CEACAM7: variants seen among roughly 807,000 people sequenced by gnomAD.
CEACAM7 encodes cell adhesion molecule CEACAM7.
A neutral mutation model predicts 25.7 loss-of-function variants in CEACAM7; 24 were observed. The ratio of observed to expected loss-of-function variants is 0.93; its 90% CI spans 0.68 to 1.31. The LOEUF (loss-of-function observed/expected upper bound fraction) is 1.31. Ranked by LOEUF, CEACAM7 falls within the 40% of genes most tolerant of loss-of-function variation. CEACAM7 has a pLI of 0.00. For missense variants in CEACAM7, 324 were observed against 330.1 expected, an observed-to-expected ratio of 0.98 and a Z score of 0.14; for synonymous variants, 144 against 129.4, an observed-to-expected ratio of 1.11 and a Z score of -0.77.
chr19:41,678,737 C>T (rs2072142305), intron 3 of CEACAM7, among the ~76,000 whole-genome samples: 1 of 152,130 alleles, frequency 6.6e-6, no homozygotes, highest in South Asian at 2.1e-4. Flanking sequence ...TTAACAGCAG[C>T]TAACATTTAT....
chr19:41,676,898 A>G (rs190030090), intron 4 of CEACAM7, among the ~76,000 whole-genome samples: 66 of 152,320 alleles, frequency 4.3e-4, no homozygotes, highest in African/African-American at 1.5e-3. Context: ...TAAAGGAAGT[A>G]AAAAGGATTC....
intron 3 of CEACAM7, among the ~76,000 whole-genome samples, chr19:41,682,845 C>G (rs143742907): frequency 0.02 from 2,977 of 152,286 alleles, 42 homozygotes; most frequent in Admixed American, 0.059. Context: ...CCGAGAGAAC[C>G]CTTAAGGACC....
At chr19:41,679,228 A>G (rs574265464) in intron 3 of CEACAM7, among the ~76,000 whole-genome samples, 36 of 152,206 alleles carry the variant, frequency 2.4e-4, no homozygotes, top group Non-Finnish European at 4.3e-4. Context: ...ATGAATAATT[A>G]TATGCCAACA....
intron 3 of CEACAM7, among the ~76,000 whole-genome samples, chr19:41,679,482 A>G (rs2072150052): frequency 6.6e-6 from 1 of 152,238 alleles, no homozygotes; most frequent in Non-Finnish European, 1.5e-5. Flanking sequence ...CCAGGGAGAA[A>G]GACTGAAAGC....
intron 4 of CEACAM7, among the ~76,000 whole-genome samples, chr19:41,676,030 A>T (rs1228933112): frequency 6.6e-6 from 1 of 152,206 alleles, no homozygotes; most frequent in Admixed American, 6.5e-5. Flanking sequence ...AAATATGGCC[A>T]ACAATGTATA....
chr19:41,686,290 G>A (rs2072224602), intron 2 of CEACAM7, among the ~76,000 whole-genome samples: 1 of 152,186 alleles, frequency 6.6e-6, no homozygotes, highest in Admixed American at 6.5e-5. Context: ...CTGAGTCTCA[G>A]GTGAAGGATG....
intron 4 of CEACAM7, among the ~76,000 whole-genome samples, 178 bp from the exon 5 acceptor site, chr19:41,674,917 G>A (rs908549440): frequency 1.3e-5 from 2 of 152,144 alleles, no homozygotes; most frequent in Non-Finnish European, 2.9e-5. Context: ...AACTTGGTCT[G>A]ATTCTTTATA....
Position 41,677,413 on chromosome 19 carries a change from T to C in CEACAM7, c.797A>G (p.Ter266TrpextTer42), listed in dbSNP as rs1206321797. ...AATGCAGAAACTACACCAAGGCTGC[T>C]ATATCAGAGCCATCCCAGCCAGTAC... ...IGVLAGMALI[*>W] The change falls in exon 4 of 5, where the codon TAG becomes TGG. Residue 266 changes from the stop codon to tryptophan (W), a stop_lost. Coordinates refer to ENST00000401731, the MANE Select transcript of CEACAM7 (RefSeq NM_001291485.2). 6.2e-7 allele frequency: 1 copy of C among 1,607,774 alleles called. No individual in the cohort carries two copies. Among genetic ancestry groups the C allele is most frequent in the Non-Finnish European group, 8.5e-7 (1 of 1,174,342 alleles).
At chr19:41,685,518 G>A (rs1025247388) in intron 2 of CEACAM7, among the ~76,000 whole-genome samples, 5 of 152,160 alleles carry the variant, frequency 3.3e-5, no homozygotes, top group African/African-American at 1.2e-4. Flanking sequence ...TCCAGTCTCT[G>A]AAGAGATTAT....
chr19:41,681,907 G>A (rs1555810730), intron 3 of CEACAM7, among the ~76,000 whole-genome samples: 1 of 152,136 alleles, frequency 6.6e-6, no homozygotes, highest in Non-Finnish European at 1.5e-5. Context: ...ATGGATAGCG[G>A]TGATGGTTGC....
chr19:41,685,996 G>A (rs1249570243), intron 2 of CEACAM7, among the ~76,000 whole-genome samples: 8 of 152,076 alleles, frequency 5.3e-5, no homozygotes, highest in African/African-American at 1.9e-4. Context: ...AAGCGTAAAT[G>A]GTCTCTGGCT....
At chr19:41,686,624 G>A (rs1255769256) in intron 2 of CEACAM7, among the ~76,000 whole-genome samples, 11 of 152,152 alleles carry the variant, frequency 7.2e-5, no homozygotes, top group African/African-American at 2.4e-4. Flanking sequence ...CCTGCTGAGT[G>A]CCCCCCATCA....
chr19:41,686,752 T>C, intron 2 of CEACAM7, 107 bp downstream of exon 2: 1 of 1,274,430 alleles, frequency 7.8e-7, no homozygotes, highest in South Asian at 1.8e-5. Context: ...ACTCCAACAC[T>C]GGATAAAATG....
chr19:41,682,355 C>T (rs1446487217), intron 3 of CEACAM7, among the ~76,000 whole-genome samples: 2 of 152,132 alleles, frequency 1.3e-5, no homozygotes, highest in African/African-American at 2.4e-5. Context: ...ACTTTGTGGC[C>T]CTGCCCCTTC....
intron 4 of CEACAM7, among the ~76,000 whole-genome samples, chr19:41,675,215 A>G (rs540972582): frequency 2.0e-5 from 3 of 152,330 alleles, no homozygotes; most frequent in African/African-American, 7.2e-5. Flanking sequence ...TATGCAAATA[A>G]CTATTTTCAT....
chr19:41,677,995 G>A (rs140969441), intron 3 of CEACAM7, among the ~76,000 whole-genome samples: 1 of 152,238 alleles, frequency 6.6e-6, no homozygotes, highest in Non-Finnish European at 1.5e-5. Flanking sequence ...ATTCCCAACA[G>A]TCTTGCAGAA....
intron 1 of CEACAM7, 36 bp downstream of exon 1, chr19:41,688,066 C>G (rs1211117809): frequency 6.3e-7 from 1 of 1,590,896 alleles, no homozygotes; most frequent in Non-Finnish European, 8.6e-7. Context: ...CTCTCTGGCC[C>G]TCCTCCCACC....
In CEACAM7 at chr19:41,687,098, T is replaced by C. The variant is rs1555811289; in HGVS notation, c.188A>G (p.Tyr63Cys). 2 of 1,614,152 alleles carry C rather than the reference T, an allele frequency of 1.2e-6. No individual in the cohort carries two copies. Among genetic ancestry groups the C allele is most frequent in the Non-Finnish European group, 1.7e-6 (2 of 1,180,012 alleles). The change falls in exon 2 of 5, where the codon TAT (tyrosine) becomes TGT (cysteine). Residue 63 changes from tyrosine (Y) to cysteine (C), a missense_variant. Physicochemically the swap from Tyr to Cys is radical, Grantham distance 194. Coordinates refer to ENST00000401731, the MANE Select transcript of CEACAM7 (RefSeq NM_001291485.2). Reference sequence around the variant, plus strand: ...TTCCCCTTTGTACCAGTTGTAGCCATAAAGATTCTGGGACTCATTATGGAC... The same window carrying C: ...TTCCCCTTTGTACCAGTTGTAGCCACAAAGATTCTGGGACTCATTATGGAC... ...LVVHNESQNL[Y>C]GYNWYKGERV...
intron 3 of CEACAM7, among the ~76,000 whole-genome samples, chr19:41,678,127 T>C (rs1159590652): frequency 1.3e-5 from 2 of 152,124 alleles, no homozygotes; most frequent in African/African-American, 4.8e-5. Flanking sequence ...CAGCCCACTT[T>C]CCCTCACAGG....
Sources: allele counts gnomAD v4.1 joint callset (sites outside exome capture counted in the v4.1 genomes callset), GRCh38; gene constraint gnomAD v4.1.1; transcripts MANE v1.5; gene names NCBI Gene and HGNC (gene_info 2026-07-23, HGNC 2026-07-21).